The following CUEDC1 variants were observed in gnomAD, a reference collection of about 807,000 sequenced individuals.
CUEDC1 encodes the protein CUE domain containing 1.
Under a neutral mutation model 43.7 loss-of-function variants are expected in CUEDC1, and 30 were observed. The observed-to-expected ratio is 0.69, with a 90% CI of 0.51 to 0.93. The LOEUF (loss-of-function observed/expected upper bound fraction) is 0.93. Among genes scored for constraint, CUEDC1 ranks in the 40% least tolerant of loss-of-function variants. The pLI is 0.00. For missense variants in CUEDC1, 486 were observed against 549.0 expected (o/e 0.89, Z 1.15); for synonymous variants, 223 against 223.6 (o/e 1.00, Z 0.02).
At chr17:57,872,609 C>A (rs1568029178) in intron 5 of CUEDC1, 54 bp downstream of exon 5, 7 of 1,596,664 alleles carry the variant, frequency 4.4e-6, no homozygotes, top group African/African-American at 4.0e-5. Flanking sequence ...AAGGCTAAAG[C>A]CAGCATCACC....
At chr17:57,894,277 T>G (rs904784374) in intron 1 of CUEDC1, among the ~76,000 whole-genome samples, 3 of 152,212 alleles carry the variant, frequency 2.0e-5, no homozygotes, top group African/African-American at 7.2e-5. Context: ...CCATGAGCTG[T>G]GCAGGCTGGG....
intron 1 of CUEDC1, among the ~76,000 whole-genome samples, chr17:57,940,237 C>A (rs1341625453): frequency 6.7e-6 from 1 of 149,804 alleles, no homozygotes; most frequent in African/African-American, 2.5e-5. Flanking sequence ...GCAGGTATTC[C>A]ATTTCTGTCA....
rs190525725 is a variant in CUEDC1, at chr17:57,894,014, A to G, written c.-315-8135T>C. On this transcript the variant is annotated intron_variant, in intron 1 of 10. Coordinates refer to ENST00000577830, the MANE Select transcript of CUEDC1 (RefSeq NM_001271875.2). ...GAGGCTGAGGCAGAGAATTGCTTGA[A>G]CCTGGGAGGTGGAGGTTGCAGTGAG... Among the ~76,000 whole-genome samples, 1,171 of 152,238 alleles carry G rather than the reference A, an allele frequency of 7.7e-3. 12 individuals are homozygous for G. The highest frequency in any genetic ancestry group is 0.027 in the African/African-American group (1,105 of 41,536).
chr17:57,868,297 G>A, intron 7 of CUEDC1, 54 bp from the exon 8 acceptor site: 1 of 1,519,838 alleles, frequency 6.6e-7, no homozygotes, highest in South Asian at 1.1e-5. Flanking sequence ...ACACCAGATG[G>A]CCTCCTCCCA....
chr17:57,927,103 G>A (rs1182762856), intron 1 of CUEDC1, among the ~76,000 whole-genome samples: 3 of 152,214 alleles, frequency 2.0e-5, no homozygotes, highest in Non-Finnish European at 4.4e-5. Flanking sequence ...GGCTCAGTGG[G>A]GGCCAATGTT....
intron 10 of CUEDC1, among the ~76,000 whole-genome samples, chr17:57,865,467 G>A (rs1025496840): frequency 6.6e-6 from 1 of 152,182 alleles, no homozygotes. Context: ...GGCCATACCT[G>A]CCACACCATC....
chr17:57,893,913 G>C (rs2074382506), intron 1 of CUEDC1, among the ~76,000 whole-genome samples: 1 of 152,172 alleles, frequency 6.6e-6, no homozygotes, highest in Non-Finnish European at 1.5e-5. Context: ...GGCCAAAATG[G>C]TGAAACACCG....
At chr17:57,928,201 G>A (rs1449044033) in intron 1 of CUEDC1, among the ~76,000 whole-genome samples, 2 of 152,136 alleles carry the variant, frequency 1.3e-5, no homozygotes, top group Non-Finnish European at 2.9e-5. Context: ...TTTTGGGAGG[G>A]GTGTCAAAGT....
intron 1 of CUEDC1, among the ~76,000 whole-genome samples, chr17:57,895,673 A>G (rs1882831394): frequency 6.6e-6 from 1 of 152,174 alleles, no homozygotes; most frequent in Non-Finnish European, 1.5e-5. Flanking sequence ...ATCAAACCTC[A>G]GCGGATTAAG....
rs1013616203 is a variant in CUEDC1 at position 57,954,768 on chromosome 17, G to C, written c.-316+457C>G. On this transcript the variant is annotated intron_variant, in intron 1 of 10. Transcript: ENST00000577830. This position sits in a 1 kb window ranked among gnomAD's most constrained non-coding sequence, Gnocchi z 4.3. ...CTCCCAGCAGGCGCCCCCGCCTGCC[G>C]TCGCCGCCCAGCCTGCGCCCCCAGG... Among the ~76,000 whole-genome samples the C allele has an allele frequency of 7.2e-5, 11 of 152,084 alleles. No individual in the cohort carries two copies. Among genetic ancestry groups the C allele is most frequent in the African/African-American group, 2.7e-4 (11 of 41,426 alleles).
chr17:57,915,359 CTG>C (rs2074628406), intron 1 of CUEDC1, among the ~76,000 whole-genome samples: 1 of 151,900 alleles, frequency 6.6e-6, no homozygotes, highest in Non-Finnish European at 1.5e-5. Flanking sequence ...CCTCAGGCAA[CTG>C]GGCTCTAGCT....
intron 1 of CUEDC1, among the ~76,000 whole-genome samples, chr17:57,922,882 T>C (rs1403699274): frequency 8.0e-5 from 12 of 149,092 alleles, no homozygotes; most frequent in African/African-American, 2.5e-4. Context: ...CCTCTCTCTT[T>C]TTTTTTTTTT....
At chr17:57,886,990 T>G (rs1255509442) in intron 1 of CUEDC1, among the ~76,000 whole-genome samples, 2 of 151,886 alleles carry the variant, frequency 1.3e-5, no homozygotes, top group Admixed American at 1.3e-4. Flanking sequence ...GGCTAATTTT[T>G]TTTTGTATTT....
chr17:57,874,274 G>A (rs2074078548), intron 3 of CUEDC1, among the ~76,000 whole-genome samples: 1 of 152,204 alleles, frequency 6.6e-6, no homozygotes. Context: ...GTAGTCTTAG[G>A]TGGGCCCCTG....
intron 1 of CUEDC1, among the ~76,000 whole-genome samples, chr17:57,941,339 G>C (rs2074915554): frequency 1.3e-5 from 2 of 152,208 alleles, no homozygotes; most frequent in African/African-American, 4.8e-5. Flanking sequence ...TCTGGGTATA[G>C]TCTCCTTTCT....
At chr17:57,944,199 T>A (rs1263949894) in intron 1 of CUEDC1, among the ~76,000 whole-genome samples, 5 of 140,514 alleles carry the variant, frequency 3.6e-5, no homozygotes, top group Admixed American at 1.4e-4. Context: ...TTTATTTTTT[T>A]ATATATATAT....
chr17:57,917,353 C>T (rs934225776), intron 1 of CUEDC1, among the ~76,000 whole-genome samples: 4 of 152,192 alleles, frequency 2.6e-5, no homozygotes, highest in Non-Finnish European at 4.4e-5. Context: ...ACTCATTGTT[C>T]ATCAGGTGAC....
intron 3 of CUEDC1, among the ~76,000 whole-genome samples, chr17:57,877,884 C>A (rs74650940): frequency 0.012 from 1,046 of 88,708 alleles, no homozygotes; most frequent in East Asian, 0.028. Flanking sequence ...GACTCCGACT[C>A]AAAAAAAAAA....
intron 1 of CUEDC1, among the ~76,000 whole-genome samples, chr17:57,890,638 A>G (rs920233674): frequency 9.2e-5 from 14 of 152,212 alleles, no homozygotes; most frequent in Non-Finnish European, 1.9e-4. Context: ...GAAGGAATCC[A>G]GGCCCGGCAG....
Sources: allele counts gnomAD v4.1 joint callset (sites outside exome capture counted in the v4.1 genomes callset), GRCh38; gene constraint gnomAD v4.1.1; non-coding constraint Gnocchi (gnomAD v3.1); transcripts MANE v1.5; gene names NCBI Gene and HGNC (gene_info 2026-07-23, HGNC 2026-07-21).